The following EPHA6 variants were observed in gnomAD, a reference collection of about 807,000 sequenced individuals.
The protein encoded by EPHA6 is ephrin type-A receptor 6.
A neutral mutation model predicts 112.0 loss-of-function variants in EPHA6; 50 were observed. That is an observed-to-expected ratio of 0.45 (90% confidence interval 0.36 to 0.56). The LOEUF (loss-of-function observed/expected upper bound fraction) is 0.56. Ranked by LOEUF, EPHA6 falls within the 20% of genes least tolerant of loss-of-function variation. The pLI, the probability that EPHA6 is intolerant of heterozygous loss-of-function variation, is 0.00. For synonymous variants in EPHA6, 529 were observed against 490.7 expected (o/e 1.08, Z -1.03); for missense variants, 1,280 against 1,417.4 (o/e 0.90, Z 1.56).
Position 97,056,144 on chromosome 3 carries a change from A to C in EPHA6, c.1114+68151A>C, listed in dbSNP as rs34157575. On this transcript the variant is annotated intron_variant, in intron 3 of 17. Coordinates refer to ENST00000389672, the MANE Select transcript of EPHA6 (RefSeq NM_001080448.3). ...TTTACACAGAATATTAGAACATGTT[A>C]TTCATCTTGTGACAGCTGATATTAT... Among the ~76,000 whole-genome samples, 747 of 152,302 alleles carry C rather than the reference A, an allele frequency of 4.9e-3. 4 individuals are homozygous for C. The highest frequency in any genetic ancestry group is 6.8e-3 in the Non-Finnish European group (466 of 68,032).
At chr3:96,850,185 A>G (rs148523577) in intron 1 of EPHA6, among the ~76,000 whole-genome samples, 20 of 152,164 alleles carry the variant, frequency 1.3e-4, no homozygotes, top group Non-Finnish European at 2.8e-4. Context: ...GGGCTACTTT[A>G]GTGCAGGGGA....
chr3:96,861,486 G>A (rs1347591569), intron 1 of EPHA6, among the ~76,000 whole-genome samples: 1 of 151,856 alleles, frequency 6.6e-6, no homozygotes, highest in South Asian at 2.1e-4. Flanking sequence ...AAGGGACAGA[G>A]ATATTTGAAT....
intron 3 of EPHA6, among the ~76,000 whole-genome samples, chr3:97,050,723 G>A (rs532519296): frequency 2.0e-5 from 3 of 152,222 alleles, no homozygotes; most frequent in South Asian, 4.2e-4. Flanking sequence ...GATAGCTGCT[G>A]CCTTTTATGA....
chr3:97,194,865 CTGACT>C (rs1417831122), intron 3 of EPHA6, among the ~76,000 whole-genome samples: 2 of 151,910 alleles, frequency 1.3e-5, no homozygotes, highest in African/African-American at 4.8e-5. Flanking sequence ...TCTATTTTGT[CTGACT>C]TAAGTATAGC....
At chr3:97,296,405 G>A (rs1270225596) in intron 5 of EPHA6, among the ~76,000 whole-genome samples, 1 of 152,138 alleles carries the variant, frequency 6.6e-6, no homozygotes, top group African/African-American at 2.4e-5. Context: ...TGATGCGGAT[G>A]GGTACAGGCT....
intron 13 of EPHA6, among the ~76,000 whole-genome samples, chr3:97,633,747 C>T (rs1405900047): frequency 6.6e-6 from 1 of 152,056 alleles, no homozygotes; most frequent in East Asian, 1.9e-4. Context: ...CTACCATATT[C>T]AAGGAAACCA....
intron 5 of EPHA6, among the ~76,000 whole-genome samples, chr3:97,349,173 T>C (rs1380465020): frequency 3.3e-5 from 5 of 152,142 alleles, no homozygotes; most frequent in African/African-American, 1.2e-4. Flanking sequence ...AAATTCATTT[T>C]ATATCAAAAT....
chr3:97,280,128 C>A (rs916847601), intron 5 of EPHA6, among the ~76,000 whole-genome samples: 6 of 152,204 alleles, frequency 3.9e-5, no homozygotes, highest in African/African-American at 1.4e-4. Flanking sequence ...AAGTGATCCA[C>A]CCGCCTTGGC....
intron 3 of EPHA6, among the ~76,000 whole-genome samples, chr3:97,032,186 C>T (rs894803899): frequency 2.6e-5 from 4 of 152,070 alleles, no homozygotes; most frequent in African/African-American, 7.2e-5. Context: ...TCTCAGAAAA[C>T]TATCGCAAGG....
At chr3:97,042,032 A>C (rs2045334844) in intron 3 of EPHA6, among the ~76,000 whole-genome samples, 1 of 152,122 alleles carries the variant, frequency 6.6e-6, no homozygotes, top group Middle Eastern at 3.2e-3. Context: ...GATATGTCAT[A>C]GTTGTCCAGG....
chr3:97,712,119 C>T (rs894521169), intron 14 of EPHA6, among the ~76,000 whole-genome samples: 6 of 152,196 alleles, frequency 3.9e-5, no homozygotes, highest in African/African-American at 1.4e-4. Flanking sequence ...CTTTCACTCC[C>T]CTTTATGATT....
chr3:97,021,228 T>C (rs1470672764), intron 3 of EPHA6, among the ~76,000 whole-genome samples: 1 of 152,210 alleles, frequency 6.6e-6, no homozygotes, highest in African/African-American at 2.4e-5. Flanking sequence ...CAACTATTCA[T>C]TTTCTAAGAA....
At chr3:97,107,854 A>T (rs1364685689) in intron 3 of EPHA6, among the ~76,000 whole-genome samples, 1 of 152,138 alleles carries the variant, frequency 6.6e-6, no homozygotes, top group Non-Finnish European at 1.5e-5. Context: ...TTATTTCCTC[A>T]AATAGATTTT....
chr3:97,003,094 G>C (rs2043731547), intron 3 of EPHA6, among the ~76,000 whole-genome samples: 2 of 151,734 alleles, frequency 1.3e-5, no homozygotes, highest in Admixed American at 1.3e-4. Flanking sequence ...CATAGGGTGA[G>C]TATTGCAATT....
At chr3:97,512,412 G>T (rs2092381433) in intron 10 of EPHA6, among the ~76,000 whole-genome samples, 1 of 152,096 alleles carries the variant, frequency 6.6e-6, no homozygotes. Context: ...AGTAATTCAG[G>T]ACACTTTTTT....
intron 3 of EPHA6, among the ~76,000 whole-genome samples, chr3:97,149,232 G>C (rs556270054): frequency 6.6e-6 from 1 of 152,216 alleles, no homozygotes; most frequent in African/African-American, 2.4e-5. Context: ...ATACCTAGAG[G>C]ACTTTGATGC....
Position 97,315,223 on chromosome 3 carries a change from T to C in EPHA6, c.1606+70936T>C, listed in dbSNP as rs554838125. 6.6e-5 allele frequency among the ~76,000 whole-genome samples: 10 copies of C among 151,820 alleles called. No homozygotes were observed. In the South Asian group the frequency reaches 1.9e-3, roughly 28 times the overall value. On this transcript the variant is annotated intron_variant, in intron 5 of 17. Transcript: ENST00000389672. ...GGTTGCCATCTAAGAAACTGACACCTAGATATAGCACACTATCCACTTTCC... is the reference window on the plus strand; with the variant it reads ...GGTTGCCATCTAAGAAACTGACACCCAGATATAGCACACTATCCACTTTCC...
chr3:96,960,311 T>C (rs2041909242), intron 2 of EPHA6, among the ~76,000 whole-genome samples: 1 of 152,118 alleles, frequency 6.6e-6, no homozygotes, highest in Non-Finnish European at 1.5e-5. Context: ...CTCATCTTTC[T>C]CTCTTATTTC....
chr3:97,639,993 G>A (rs1446182548), intron 14 of EPHA6, among the ~76,000 whole-genome samples: 1 of 151,952 alleles, frequency 6.6e-6, no homozygotes, highest in Non-Finnish European at 1.5e-5. Context: ...CTGTTCAGAG[G>A]ACTGACTTTA....
Sources: gnomAD v4.1 joint callset for allele counts (sites outside exome capture counted in the v4.1 genomes callset) on GRCh38, gnomAD v4.1.1 for gene constraint, MANE v1.5 for transcripts, NCBI Gene and HGNC (gene_info 2026-07-23, HGNC 2026-07-21) for gene names.